RPH3AL: variants seen among roughly 807,000 people sequenced by gnomAD.
The protein encoded by RPH3AL is rab effector Noc2.
In RPH3AL, 38 loss-of-function variants were observed where a neutral mutation model predicts 43.1. That is an observed-to-expected ratio of 0.88 (90% CI 0.68 to 1.15). The LOEUF is 1.15. Ranked by LOEUF, RPH3AL falls within the 50% of genes most tolerant of loss-of-function variation. The pLI, the probability that RPH3AL is intolerant of heterozygous loss-of-function variation, is 0.00. For synonymous variants in RPH3AL, 189 were observed against 176.3 expected (o/e 1.07, Z -0.57); for missense variants, 462 against 423.2 (o/e 1.09, Z -0.81).
intron 1 of RPH3AL, among the ~76,000 whole-genome samples, chr17:334,353 A>G (rs1304210264): frequency 6.6e-6 from 1 of 152,128 alleles, no homozygotes; most frequent in African/African-American, 2.4e-5. Flanking sequence ...AGGCAAAACA[A>G]CCTGCCTCAG....
intron 8 of RPH3AL, among the ~76,000 whole-genome samples, chr17:218,680 T>G (rs2040875099): frequency 6.6e-6 from 1 of 152,218 alleles, no homozygotes; most frequent in Non-Finnish European, 1.5e-5. Flanking sequence ...CTCCCAGGCC[T>G]TCTCTATACC....
chr17:336,230 G>C (rs531399285), intron 1 of RPH3AL, among the ~76,000 whole-genome samples: 3 of 152,280 alleles, frequency 2.0e-5, no homozygotes, highest in African/African-American at 7.2e-5. Context: ...AACACGAGGA[G>C]GGCAGCAAGA....
At chr17:302,274 G>A (rs1320502621) in intron 5 of RPH3AL, among the ~76,000 whole-genome samples, 3 of 152,236 alleles carry the variant, frequency 2.0e-5, no homozygotes, top group African/African-American at 7.2e-5. Flanking sequence ...GCCAGAGAGG[G>A]AAACAGATTT....
chr17:302,375 C>T (rs1424849666), intron 5 of RPH3AL, among the ~76,000 whole-genome samples: 3 of 152,186 alleles, frequency 2.0e-5, no homozygotes, highest in Non-Finnish European at 2.9e-5. Context: ...AGTCACCCCG[C>T]CCCACCCACT....
intron 6 of RPH3AL, among the ~76,000 whole-genome samples, chr17:260,787 C>A (rs1421991024): frequency 6.6e-6 from 1 of 152,094 alleles, no homozygotes; most frequent in Non-Finnish European, 1.5e-5. Context: ...CCCCAGGACC[C>A]AGCCTCCCTC....
chr17:269,462 A>T (rs1013702583), intron 6 of RPH3AL, among the ~76,000 whole-genome samples: 4 of 152,192 alleles, frequency 2.6e-5, no homozygotes, highest in Non-Finnish European at 5.9e-5. Context: ...AGGGCCTCGA[A>T]CAGTGCCCGG....
At chr17:218,098 C>G (rs2040854671) in intron 8 of RPH3AL, among the ~76,000 whole-genome samples, 1 of 144,944 alleles carries the variant, frequency 6.9e-6, no homozygotes, top group Non-Finnish European at 1.5e-5. Flanking sequence ...TTATGGAGCC[C>G]TTTCTTCTTC....
chr17:284,513 C>T (rs768244745), intron 5 of RPH3AL, among the ~76,000 whole-genome samples: 3 of 152,006 alleles, frequency 2.0e-5, no homozygotes, highest in Non-Finnish European at 4.4e-5. Context: ...TTGCTGGGGT[C>T]GTGAGTGTGG....
At position 264,352 on chromosome 17, in the gene RPH3AL, T is replaced by G. The variant is rs538998591; in HGVS notation, c.439-17067A>C. 4.9e-5 allele frequency among the ~76,000 whole-genome samples: 4 copies of G among 81,962 alleles called. No homozygotes were observed. Among genetic ancestry groups the G allele is most frequent in the African/African-American group, 9.5e-5 (2 of 21,142 alleles). 53.8% of individuals were successfully genotyped at this position (81,962 alleles called of 152,430 possible). ...ACCCTTCGGAGCCGTGCGCGCTGGATGGGGACTCAGAATCCGCAGCACGTT... is the reference window on the plus strand; with the variant it reads ...ACCCTTCGGAGCCGTGCGCGCTGGAGGGGGACTCAGAATCCGCAGCACGTT... On this transcript the variant is annotated intron_variant, in intron 6 of 9. Transcript: ENST00000331302. The surrounding 1 kb of genome is among the most constrained non-coding windows in gnomAD (Gnocchi z 4.8).
chr17:321,541 A>C, intron 3 of RPH3AL, 126 bp from the exon 4 acceptor site: 1 of 1,099,678 alleles, frequency 9.1e-7, no homozygotes, highest in Admixed American at 3.4e-5. Context: ...TGCCGGGACG[A>C]CGAGCGCGGG....
At chr17:335,219 TC>T (rs2044920991) in intron 1 of RPH3AL, among the ~76,000 whole-genome samples, 1 of 151,762 alleles carries the variant, frequency 6.6e-6, no homozygotes, top group East Asian at 1.9e-4. Flanking sequence ...GGTGCAGGTG[TC>T]CGGGTGAGAC....
intron 2 of RPH3AL, chr17:332,888 G>T: frequency 1.5e-6 from 1 of 663,060 alleles, no homozygotes; most frequent in Non-Finnish European, 2.2e-6. Flanking sequence ...AGATGTTCCG[G>T]AACCCTTGTA....
intron 7 of RPH3AL, among the ~76,000 whole-genome samples, chr17:230,588 A>G (rs2041208749): frequency 6.6e-6 from 1 of 152,200 alleles, no homozygotes; most frequent in African/African-American, 2.4e-5. Context: ...CTGCTGGCTC[A>G]GGAGAAAGGC....
At chr17:342,027 A>G (rs2045132767) in intron 1 of RPH3AL, among the ~76,000 whole-genome samples, 1 of 152,238 alleles carries the variant, frequency 6.6e-6, no homozygotes, top group South Asian at 2.1e-4. Flanking sequence ...CAAAATGACA[A>G]TTCCATTTAA....
At chr17:218,466 C>A (rs77379482) in intron 8 of RPH3AL, among the ~76,000 whole-genome samples, 1 of 41,490 alleles carries the variant, frequency 2.4e-5, no homozygotes, top group Admixed American at 2.3e-4. Flanking sequence ...AAATTGGCCT[C>A]GCTGAAATCA....
intron 5 of RPH3AL, among the ~76,000 whole-genome samples, chr17:292,971 A>T (rs2043081093): frequency 6.6e-6 from 1 of 152,192 alleles, no homozygotes; most frequent in South Asian, 2.1e-4. Context: ...ACATTTCAGG[A>T]GGAAGGCAAG....
At chr17:313,059 C>G (rs1428553782) in intron 5 of RPH3AL, among the ~76,000 whole-genome samples, 1 of 152,206 alleles carries the variant, frequency 6.6e-6, no homozygotes, top group Non-Finnish European at 1.5e-5. Flanking sequence ...TCAGGGTGGA[C>G]CAAGCGACCT....
intron 7 of RPH3AL, among the ~76,000 whole-genome samples, chr17:235,819 C>T (rs1189093420): frequency 2.1e-5 from 3 of 144,092 alleles, no homozygotes; most frequent in East Asian, 2.1e-4. Flanking sequence ...AAGCTGGGGT[C>T]GGCCGAGGCT....
At chr17:235,669 CAGCGGA>C (rs2041362998) in intron 7 of RPH3AL, among the ~76,000 whole-genome samples, 3 of 87,122 alleles carry the variant, frequency 3.4e-5, no homozygotes, top group Non-Finnish European at 5.0e-5. Context: ...AAGCTGGGGT[CAGCGGA>C]GGCTCTACAC....
Sources: gnomAD v4.1 joint callset for allele counts (sites outside exome capture counted in the v4.1 genomes callset) on GRCh38, gnomAD v4.1.1 for gene constraint, Gnocchi (gnomAD v3.1) non-coding constraint, MANE v1.5 for transcripts, NCBI Gene and HGNC (gene_info 2026-07-23, HGNC 2026-07-21) for gene names.